Variants in SDC2 observed in about 807,000 individuals in gnomAD.
SDC2 encodes syndecan 2, also known as syndecan-2.
SDC2 carries 13 observed loss-of-function variants against 22.2 expected under a neutral mutation model. The ratio of observed to expected loss-of-function variants is 0.59; its 90% confidence interval spans 0.38 to 0.93. The LOEUF (loss-of-function observed/expected upper bound fraction) is 0.93, where lower values mean the gene tolerates loss of function less well. SDC2 is among the 40% of genes least tolerant of loss of function. SDC2 has a pLI of 0.00. For missense variants in SDC2, 235 were observed against 246.8 expected (o/e 0.95, Z 0.32); for synonymous variants, 94 against 92.8 (o/e 1.01, Z -0.07).
At chr8:96,531,358 A>G (rs925443476) in intron 1 of SDC2, among the ~76,000 whole-genome samples, 3 of 152,206 alleles carry the variant, frequency 2.0e-5, no homozygotes, top group Non-Finnish European at 4.4e-5. Context: ...TACCTCTGCC[A>G]TATTGTATAT....
At chr8:96,509,278 A>G (rs1290924281) in intron 1 of SDC2, among the ~76,000 whole-genome samples, 3 of 142,096 alleles carry the variant, frequency 2.1e-5, no homozygotes, top group African/African-American at 7.5e-5. Flanking sequence ...AGTGCGCAGG[A>G]TAGAGCCTGC....
At chr8:96,590,722 A>G (rs1041192789) in intron 1 of SDC2, among the ~76,000 whole-genome samples, 1 of 152,116 alleles carries the variant, frequency 6.6e-6, no homozygotes, top group African/African-American at 2.4e-5. Context: ...GTTAAATTGG[A>G]CTTCATGGAA....
chr8:96,526,833 G>A (rs2130473322), intron 1 of SDC2, among the ~76,000 whole-genome samples: 1 of 152,248 alleles, frequency 6.6e-6, no homozygotes, highest in South Asian at 2.1e-4. Context: ...GTAGAACAAG[G>A]CCAGTGGTAC....
At chr8:96,593,024 A>G (rs1814810713) in intron 1 of SDC2, among the ~76,000 whole-genome samples, 1 of 152,192 alleles carries the variant, frequency 6.6e-6, no homozygotes, top group African/African-American at 2.4e-5. Context: ...GTAGGATTTG[A>G]TGGATCCCTG....
chr8:96,583,280 A>T lies in SDC2; in HGVS notation c.61-10200A>T, dbSNP rs560957071. ...GACACTTGCTTTAGATTTATATATA[A>T]TATATATATGTAATATACAATATAT... On this transcript the variant is annotated intron_variant, in intron 1 of 4. Coordinates refer to ENST00000302190, the MANE Select transcript of SDC2 (RefSeq NM_002998.4). Among the ~76,000 whole-genome samples the T allele has an allele frequency of 8.5e-4, 112 of 131,370 alleles. No homozygotes were observed. The South Asian group carries it at 0.025, about 29-fold the overall frequency. 86.2% of individuals were successfully genotyped at this position (131,370 alleles called of 152,430 possible). A position where few individuals can be genotyped will look rare whatever the true frequency, so the allele number is the denominator to read the frequency against.
At chr8:96,501,530 A>C (rs968859581) in intron 1 of SDC2, among the ~76,000 whole-genome samples, 7 of 150,452 alleles carry the variant, frequency 4.7e-5, no homozygotes, top group Middle Eastern at 3.5e-3. Context: ...CTGGTCTTGA[A>C]CTCTTGACCT....
At chr8:96,593,264 G>C (rs759253622) in intron 1 of SDC2, among the ~76,000 whole-genome samples, 2 of 152,190 alleles carry the variant, frequency 1.3e-5, no homozygotes, top group African/African-American at 4.8e-5. Context: ...GGTTTAAGCT[G>C]TGTAGGCTTC....
chr8:96,571,491 A>C (rs1308072964), intron 1 of SDC2, among the ~76,000 whole-genome samples: 1 of 152,228 alleles, frequency 6.6e-6, no homozygotes, highest in Non-Finnish European at 1.5e-5. Flanking sequence ...ATACAGATTA[A>C]ACCATGCGAA....
intron 1 of SDC2, among the ~76,000 whole-genome samples, chr8:96,557,946 C>T (rs933673575): frequency 1.3e-5 from 2 of 152,042 alleles, no homozygotes; most frequent in African/African-American, 4.8e-5. Flanking sequence ...GAACACAGTG[C>T]GTTAAACTTA....
chr8:96,570,410 G>A (rs1406140695), intron 1 of SDC2, among the ~76,000 whole-genome samples: 1 of 152,172 alleles, frequency 6.6e-6, no homozygotes, highest in Non-Finnish European at 1.5e-5. Context: ...CACTTAATAT[G>A]TGCTTGGCTT....
At chr8:96,598,486 C>T (rs935400040) in intron 2 of SDC2, among the ~76,000 whole-genome samples, 2 of 151,808 alleles carry the variant, frequency 1.3e-5, no homozygotes, top group East Asian at 2.0e-4. Context: ...GGCGTGGTGG[C>T]GCATGCCTGT....
chr8:96,512,627 A>G (rs1385797844), intron 1 of SDC2, among the ~76,000 whole-genome samples: 3 of 152,106 alleles, frequency 2.0e-5, no homozygotes, highest in Non-Finnish European at 2.9e-5. Context: ...CTCAAGCCAG[A>G]TGTGGGGGCA....
chr8:96,519,572 TA>T (rs1813461676), intron 1 of SDC2, among the ~76,000 whole-genome samples: 1 of 152,156 alleles, frequency 6.6e-6, no homozygotes, highest in Non-Finnish European at 1.5e-5. Flanking sequence ...TTAGATAATC[TA>T]GGGGGGAAAA....
intron 1 of SDC2, among the ~76,000 whole-genome samples, chr8:96,584,420 A>C (rs1488892291): frequency 6.6e-6 from 1 of 152,186 alleles, no homozygotes; most frequent in African/African-American, 2.4e-5. Flanking sequence ...CCTTAAAGTG[A>C]ATTATTAAAT....
intron 1 of SDC2, among the ~76,000 whole-genome samples, chr8:96,532,842 A>G (rs1813688163): frequency 6.6e-6 from 1 of 152,178 alleles, no homozygotes; most frequent in African/African-American, 2.4e-5. Flanking sequence ...AGAGACTAGC[A>G]AAGTGCCAGC....
chr8:96,580,980 C>G (rs1477442637), intron 1 of SDC2, among the ~76,000 whole-genome samples: 1 of 152,048 alleles, frequency 6.6e-6, no homozygotes, highest in Non-Finnish European at 1.5e-5. Context: ...GTAGAATCAG[C>G]TTTTTTTATT....
chr8:96,589,922 G>A (rs538905719), intron 1 of SDC2, among the ~76,000 whole-genome samples: 2 of 152,350 alleles, frequency 1.3e-5, no homozygotes, highest in African/African-American at 2.4e-5. Context: ...AGGCAAAGGG[G>A]TGGAGATAGG....
chr8:96,512,955 C>T (rs1051614181), intron 1 of SDC2, among the ~76,000 whole-genome samples: 4 of 152,168 alleles, frequency 2.6e-5, no homozygotes, highest in South Asian at 4.2e-4. Context: ...CTTGTGTTTA[C>T]CGTCTCCTTC....
At chr8:96,565,120 T>A (rs1037678595) in intron 1 of SDC2, among the ~76,000 whole-genome samples, 1 of 131,636 alleles carries the variant, frequency 7.6e-6, no homozygotes, top group African/African-American at 3.1e-5. Flanking sequence ...GGAGTGTTGC[T>A]CTGTCGCCAG....
Sources: allele counts gnomAD v4.1 joint callset (sites outside exome capture counted in the v4.1 genomes callset), GRCh38; gene constraint gnomAD v4.1.1; transcripts MANE v1.5; gene names NCBI Gene and HGNC (gene_info 2026-07-23, HGNC 2026-07-21).